Variants in CPA6 observed in about 807,000 individuals in gnomAD.
CPA6 encodes carboxypeptidase B.
A neutral mutation model predicts 63.3 loss-of-function variants in CPA6; 58 were observed. That is an observed-to-expected ratio of 0.92 (90% CI 0.74 to 1.14). The LOEUF (loss-of-function observed/expected upper bound fraction) is 1.14. Among genes scored for constraint, CPA6 ranks in the 50% most tolerant of loss-of-function variants. The pLI is 0.00. For synonymous variants in CPA6, 185 were observed against 179.0 expected (o/e 1.03, Z -0.27); for missense variants, 565 against 526.6 (o/e 1.07, Z -0.71).
intron 1 of CPA6, among the ~76,000 whole-genome samples, chr8:67,719,418 C>T (rs1015948902): frequency 1.3e-5 from 2 of 151,606 alleles, no homozygotes; most frequent in African/African-American, 2.4e-5. Flanking sequence ...CTGATCAGAA[C>T]AGAATTTATT....
chr8:67,533,448 G>A (rs1812519223), intron 2 of CPA6, among the ~76,000 whole-genome samples: 1 of 152,180 alleles, frequency 6.6e-6, no homozygotes, highest in Non-Finnish European at 1.5e-5. Flanking sequence ...TCTCCTGATA[G>A]TATGAGAAAG....
intron 1 of CPA6, among the ~76,000 whole-genome samples, chr8:67,633,171 C>T (rs1232180688): frequency 6.6e-6 from 1 of 152,130 alleles, no homozygotes; most frequent in Non-Finnish European, 1.5e-5. Context: ...TAGAAAAACT[C>T]TTCTTTGTTT....
intron 1 of CPA6, among the ~76,000 whole-genome samples, chr8:67,730,902 G>A (rs1383328388): frequency 6.6e-6 from 1 of 152,112 alleles, no homozygotes; most frequent in Non-Finnish European, 1.5e-5. Flanking sequence ...ATAACTATAA[G>A]TTATACTGTA....
At chr8:67,428,505 A>G (rs1809946056) in intron 9 of CPA6, among the ~76,000 whole-genome samples, 1 of 151,222 alleles carries the variant, frequency 6.6e-6, no homozygotes, top group East Asian at 1.9e-4. Flanking sequence ...TTTTTTTTGG[A>G]AGGAGTCTCG....
intron 2 of CPA6, among the ~76,000 whole-genome samples, chr8:67,548,340 C>A (rs1812868297): frequency 6.6e-6 from 1 of 151,330 alleles, no homozygotes; most frequent in African/African-American, 2.4e-5. Flanking sequence ...CAGCCTTCAA[C>A]TCCTGGGTTC....
At chr8:67,589,630 G>C (rs1357271433) in intron 2 of CPA6, among the ~76,000 whole-genome samples, 2 of 152,092 alleles carry the variant, frequency 1.3e-5, no homozygotes, top group East Asian at 1.9e-4. Context: ...TACTGATAAA[G>C]AATTGTCAAG....
chr8:67,624,374 G>T, intron 1 of CPA6, 123 bp from the exon 2 acceptor site: 1 of 535,080 alleles, frequency 1.9e-6, no homozygotes, highest in South Asian at 2.8e-5. Context: ...ACTTTTCACT[G>T]GCCCAGTAAG....
At chr8:67,445,353 G>T (rs1810388091) in intron 8 of CPA6, among the ~76,000 whole-genome samples, 1 of 152,176 alleles carries the variant, frequency 6.6e-6, no homozygotes, top group African/African-American at 2.4e-5. Flanking sequence ...CAGCAACCAG[G>T]TGGAGTGACA....
chr8:67,716,028 C>T (rs1172190749), intron 1 of CPA6, among the ~76,000 whole-genome samples: 1 of 151,834 alleles, frequency 6.6e-6, no homozygotes, highest in Non-Finnish European at 1.5e-5. Context: ...GTGGCAGGCA[C>T]CTGCAATCCC....
At chr8:67,594,181 T>C (rs1013371002) in intron 2 of CPA6, among the ~76,000 whole-genome samples, 9 of 152,310 alleles carry the variant, frequency 5.9e-5, no homozygotes, top group African/African-American at 1.4e-4. Context: ...GGGTTGAAAA[T>C]TCTTTTCTTT....
intron 1 of CPA6, among the ~76,000 whole-genome samples, chr8:67,727,761 C>T (rs1449097099): frequency 6.6e-6 from 1 of 152,212 alleles, no homozygotes; most frequent in Non-Finnish European, 1.5e-5. Context: ...ATTCTCTGTT[C>T]TTCATCCCAT....
chr8:67,721,241 C>A (rs1387424309), intron 1 of CPA6, among the ~76,000 whole-genome samples: 1 of 152,214 alleles, frequency 6.6e-6, no homozygotes, highest in Non-Finnish European at 1.5e-5. Context: ...ACATCTGGTA[C>A]TTTACTGCCT....
At chr8:67,721,181 C>T (rs1817491282) in intron 1 of CPA6, among the ~76,000 whole-genome samples, 2 of 152,230 alleles carry the variant, frequency 1.3e-5, no homozygotes, top group Non-Finnish European at 2.9e-5. Flanking sequence ...AAGCTGAGCA[C>T]TCTGGCTACG....
intron 1 of CPA6, among the ~76,000 whole-genome samples, chr8:67,669,587 T>C (rs1413363025): frequency 2.0e-5 from 3 of 152,210 alleles, no homozygotes; most frequent in African/African-American, 4.8e-5. Flanking sequence ...TTCTATTAAT[T>C]AGTATTGTAA....
At position 67,613,896 on chromosome 8, in the gene CPA6, G is replaced by T. The variant is rs115016942; in HGVS notation, c.192+10280C>A. On this transcript the variant is annotated intron_variant, in intron 2 of 10. Transcript: ENST00000297770. ...GAATGATGCGGCAGAGAGAGAGAGA[G>T]ACGAGGAGGAACATCTGAACTCTGA... Among the ~76,000 whole-genome samples the T allele has an allele frequency of 8.2e-3, 1,254 of 152,272 alleles. 17 individuals carry two copies. The highest frequency in any genetic ancestry group is 0.028 in the African/African-American group (1,163 of 41,550).
intron 2 of CPA6, among the ~76,000 whole-genome samples, chr8:67,556,899 A>G (rs1813075357): frequency 6.6e-6 from 1 of 152,232 alleles, no homozygotes; most frequent in South Asian, 2.1e-4. Flanking sequence ...TGAGGAGAAT[A>G]GGACTCTTTC....
intron 2 of CPA6, among the ~76,000 whole-genome samples, chr8:67,588,488 G>A (rs925132488): frequency 5.3e-5 from 8 of 152,012 alleles, no homozygotes; most frequent in African/African-American, 1.9e-4. Flanking sequence ...AAGGAAGGAG[G>A]CAAACAGAAT....
chr8:67,700,030 C>G (rs535541567), intron 1 of CPA6, among the ~76,000 whole-genome samples: 102 of 152,296 alleles, frequency 6.7e-4, no homozygotes, highest in South Asian at 1.9e-3. Flanking sequence ...ATCCACGACT[C>G]AAAAGGATTT....
chr8:67,541,999 A>C (rs1382012617), intron 2 of CPA6, among the ~76,000 whole-genome samples: 1 of 152,184 alleles, frequency 6.6e-6, no homozygotes, highest in Non-Finnish European at 1.5e-5. Flanking sequence ...ATTATCCACT[A>C]TGTCCATTTG....
Sources: allele counts gnomAD v4.1 joint callset (sites outside exome capture counted in the v4.1 genomes callset), GRCh38; gene constraint gnomAD v4.1.1; transcripts MANE v1.5; gene names NCBI Gene and HGNC (gene_info 2026-07-23, HGNC 2026-07-21).